RNF19B: variants seen among roughly 807,000 people sequenced by gnomAD.
RNF19B encodes E3 ubiquitin-protein ligase RNF19B.
A neutral mutation model predicts 65.5 loss-of-function variants in RNF19B; 23 were observed. That is an observed-to-expected ratio of 0.35 (90% CI 0.25 to 0.50). The LOEUF is 0.50. Ranked by LOEUF, RNF19B falls within the 20% of genes least tolerant of loss-of-function variation. The probability of loss-of-function intolerance (pLI) is 0.98; values close to 1 mark genes in which losing one functional copy is unlikely to be tolerated. For missense variants in RNF19B, 794 were observed against 980.0 expected, an observed-to-expected ratio of 0.81 and a Z score of 2.53; for synonymous variants, 372 against 379.6, an observed-to-expected ratio of 0.98 and a Z score of 0.23.
Position 32,945,690 on chromosome 1 carries a change from A to G in RNF19B, c.1147-62T>C, listed in dbSNP as rs1161066317. ...AGGACATCAATCTTTTGCCAGAGAA[A>G]AAAAGGACAGGTGAATATTCACTTG... On this transcript the variant is annotated intron_variant, in intron 4 of 8. Coordinates refer to ENST00000235150, the MANE Select transcript of RNF19B (RefSeq NM_001300826.2). 1.7e-5 allele frequency: 16 copies of G among 931,014 alleles called. No individual in the cohort carries two copies. In the African/African-American group the frequency reaches 2.6e-4, roughly 15 times the overall value. 57.7% of individuals were successfully genotyped at this position (931,014 alleles called of 1,614,324 possible). A position where few individuals can be genotyped will look rare whatever the true frequency, so the allele number is the denominator to read the frequency against.
At position 32,937,104 on chromosome 1, in the gene RNF19B, T is replaced by A; in HGVS notation, c.1898A>T (p.Asp633Val). The part of the protein sequence containing the change: ...EGSGGGGSEE[D>V]PPCRHQSCEQ... ...ACAGCTTTGGTGTCTGCAGGGGGGA[T>A]CCTCTTCACTGCCTCCGCCACCACT... is the stretch of plus-strand genomic sequence containing the variant. The change falls in exon 9 of 9, where the codon GAT becomes GTT. Residue 633 changes from aspartate to valine, a missense_variant. Transcript: ENST00000235150. 1 of 1,614,170 alleles carries A rather than the reference T, an allele frequency of 6.2e-7. No individual in the cohort carries two copies. The highest frequency in any genetic ancestry group is 2.2e-5 in the East Asian group (1 of 44,882).
At chr1:32,944,184 C>T in intron 5 of RNF19B, 25 bp from the exon 6 acceptor site, 1 of 1,596,018 alleles carries the variant, frequency 6.3e-7, no homozygotes, top group Non-Finnish European at 8.5e-7. Flanking sequence ...GGAAACATGT[C>T]AGCTGGCTAT....
At chr1:32,962,371 G>C (rs1206816282) in intron 1 of RNF19B, among the ~76,000 whole-genome samples, 1 of 152,158 alleles carries the variant, frequency 6.6e-6, no homozygotes, top group Non-Finnish European at 1.5e-5. Context: ...ACTAGACATA[G>C]ACAGTTCCAT....
Position 32,963,964 on chromosome 1 carries a change from T to C in RNF19B, c.635+87A>G. The C allele has an allele frequency of 2.2e-6, 3 of 1,358,242 alleles. No homozygotes were observed. The South Asian group carries it at 5.3e-5, about 24-fold the overall frequency. 84.1% of individuals were successfully genotyped at this position (1,358,242 alleles called of 1,614,324 possible). On this transcript the variant is annotated intron_variant, in intron 1 of 8. Transcript: ENST00000235150. ...CTGCCGCCTTGCGGGTTTCCCTGCT[T>C]GGGACACCCACGCGGGGTCCCTGCT... is the stretch of plus-strand genomic sequence containing the variant.
intron 1 of RNF19B, among the ~76,000 whole-genome samples, 195 bp downstream of exon 1, chr1:32,963,856 C>A (rs568128583): frequency 6.6e-6 from 1 of 152,376 alleles, no homozygotes; most frequent in African/African-American, 2.4e-5. Flanking sequence ...GCAGCCACCT[C>A]GAGCCCTGGG....
At chr1:32,958,501 G>A (rs1383694348) in intron 1 of RNF19B, among the ~76,000 whole-genome samples, 1 of 152,150 alleles carries the variant, frequency 6.6e-6, no homozygotes, top group Non-Finnish European at 1.5e-5. Flanking sequence ...TGGATCACGA[G>A]GTCAGGAGAT....
At chr1:32,934,034 G>A (rs565149251), downstream of RNF19B, among the ~76,000 whole-genome samples, 6 of 152,314 alleles carry the variant, frequency 3.9e-5, no homozygotes, top group African/African-American at 1.4e-4. Flanking sequence ...TTGCGTTTCA[G>A]AGATCTCCAG....
rs770012748 is a variant in RNF19B at position 32,938,412 on chromosome 1, T to C, written c.1727A>G (p.Tyr576Cys). 2 of 1,614,194 alleles carry C rather than the reference T, an allele frequency of 1.2e-6. No individual in the cohort carries two copies. Among genetic ancestry groups the C allele is most frequent in the African/African-American group, 1.3e-5 (1 of 75,056 alleles). Residue 576 changes from tyrosine to cysteine, a missense_variant, in exon 8 of 9, where the codon TAC (tyrosine) becomes TGC (cysteine). Around this residue, in one of 3 missense-constraint regions of RNF19B, gnomAD observed 368 missense variants for 447.3 expected, o/e 0.82. Transcript: ENST00000235150. ...GTTCACATACCTGTCCTGTGGGTTG[T>C]AGGAACTGATTATGGAACCGGCCAT... ...RAMAGSIISS[Y>C]NPQDRECNNM...
At chr1:32,948,173 C>T in intron 3 of RNF19B, 49 bp downstream of exon 3, 4 of 1,588,834 alleles carry the variant, frequency 2.5e-6, no homozygotes, top group Non-Finnish European at 3.4e-6. Flanking sequence ...TTCCCTAAAT[C>T]AGTAAGAGAA....
At chr1:32,952,860 C>T (rs1642540604) in intron 1 of RNF19B, among the ~76,000 whole-genome samples, 1 of 150,474 alleles carries the variant, frequency 6.6e-6, no homozygotes, top group Non-Finnish European at 1.5e-5. Flanking sequence ...CTCCAGTGAG[C>T]CACGTTTGCG....
At chr1:32,960,261 T>C (rs1179047717) in intron 1 of RNF19B, among the ~76,000 whole-genome samples, 1 of 152,186 alleles carries the variant, frequency 6.6e-6, no homozygotes, top group African/African-American at 2.4e-5. Flanking sequence ...GATCAGAACC[T>C]GTAAGATTGC....
chr1:32,944,961 T>C (rs907786103), intron 5 of RNF19B, among the ~76,000 whole-genome samples: 2 of 152,132 alleles, frequency 1.3e-5, no homozygotes, highest in Admixed American at 1.3e-4. Flanking sequence ...ACACTGGAAT[T>C]ACAGGCGTGA....
chr1:32,939,308 C>T (rs1337614919), intron 7 of RNF19B, among the ~76,000 whole-genome samples: 2 of 152,184 alleles, frequency 1.3e-5, no homozygotes, highest in African/African-American at 4.8e-5. Flanking sequence ...CTGCCTCAGC[C>T]TCCCAAGTAG....
At chr1:32,960,083 C>T (rs775791882) in intron 1 of RNF19B, among the ~76,000 whole-genome samples, 14 of 151,858 alleles carry the variant, frequency 9.2e-5, no homozygotes, top group Non-Finnish European at 2.1e-4. Context: ...GAATGTTTTC[C>T]CACTGAAATT....
At chr1:32,939,607 AG>A (rs1386491231) in intron 7 of RNF19B, among the ~76,000 whole-genome samples, 1 of 152,246 alleles carries the variant, frequency 6.6e-6, no homozygotes, top group African/African-American at 2.4e-5. Flanking sequence ...AATTACCTCC[AG>A]GGAATGAGAC....
chr1:32,938,374 T>C (rs1423803194), intron 8 of RNF19B, 23 bp downstream of exon 8: 1 of 1,613,902 alleles, frequency 6.2e-7, no homozygotes, highest in African/African-American at 1.3e-5. Context: ...CAACCTCTCC[T>C]GGACATCTGA....
At chr1:32,942,764 T>C (rs796741047) in intron 6 of RNF19B, among the ~76,000 whole-genome samples, 38 of 152,342 alleles carry the variant, frequency 2.5e-4, no homozygotes, top group African/African-American at 8.9e-4. Flanking sequence ...CACTACACTG[T>C]TGCTTCCATG....
intron 1 of RNF19B, among the ~76,000 whole-genome samples, chr1:32,961,789 C>G (rs78337839): frequency 1.1e-3 from 162 of 152,090 alleles, no homozygotes; most frequent in Middle Eastern, 3.4e-3. Flanking sequence ...GAGTTGTCAC[C>G]AAGCTTGAAA....
At position 32,949,620 on chromosome 1, in the gene RNF19B, C is replaced by T. The variant is rs760210076; in HGVS notation, c.790G>A (p.Val264Ile). 1.2e-6 allele frequency: 2 copies of T among 1,613,976 alleles called. No homozygotes were observed. Among genetic ancestry groups the T allele is most frequent in the South Asian group, 2.2e-5 (2 of 91,072 alleles). The change falls in exon 2 of 9, where the codon GTT becomes ATT. Residue 264 changes from valine to isoleucine, a missense_variant. Around this residue, in one of 3 missense-constraint regions of RNF19B, gnomAD observed 374 missense variants for 423.8 expected, o/e 0.88. Coordinates refer to ENST00000235150, the MANE Select transcript of RNF19B (RefSeq NM_001300826.2). The part of the protein sequence containing the change: ...ARQQRAQTLR[V>I]RTKHTSGLSY... Reference sequence around the variant, plus strand: ...AGACCTGAAGTGTGTTTGGTCCGAACTCGTAAAGTCTGGGCCCTCTGTTGA... The same window carrying T: ...AGACCTGAAGTGTGTTTGGTCCGAATTCGTAAAGTCTGGGCCCTCTGTTGA...
Sources: allele counts gnomAD v4.1 joint callset (sites outside exome capture counted in the v4.1 genomes callset), GRCh38; gene constraint gnomAD v4.1.1; regional missense constraint gnomAD v4.1.1; transcripts MANE v1.5; gene names NCBI Gene and HGNC (gene_info 2026-07-23, HGNC 2026-07-21).